FRK: variants seen among roughly 807,000 people sequenced by gnomAD.
The protein encoded by FRK is fyn related Src family tyrosine kinase, also known as tyrosine-protein kinase FRK.
In FRK, 51 loss-of-function variants were observed where a neutral mutation model predicts 56.4. The ratio of observed to expected loss-of-function variants is 0.90; its 90% confidence interval spans 0.72 to 1.14. The LOEUF is 1.14. FRK is among the 50% of genes most tolerant of loss of function. The pLI is 0.00. For synonymous variants in FRK, 245 were observed against 217.9 expected, an observed-to-expected ratio of 1.12 and a Z score of -1.10; for missense variants, 570 against 601.4, an observed-to-expected ratio of 0.95 and a Z score of 0.55.
the FRK span, among the ~76,000 whole-genome samples, chr6:116,082,164 A>C: frequency 2.6e-5 from 4 of 152,200 alleles, no homozygotes; most frequent in South Asian, 8.3e-4. Flanking sequence ...ATATTTGAGG[A>C]ATAGAAAGAA....
At chr6:115,971,467 C>T (rs866371553) in intron 2 of FRK, among the ~76,000 whole-genome samples, 1 of 152,110 alleles carries the variant, frequency 6.6e-6, no homozygotes, top group Non-Finnish European at 1.5e-5. Flanking sequence ...TGAAGGTAAC[C>T]TTTCTAACAC....
chr6:116,047,044 T>C (rs1231860918), intron 1 of FRK, among the ~76,000 whole-genome samples: 1 of 150,612 alleles, frequency 6.6e-6, no homozygotes, highest in Non-Finnish European at 1.5e-5. Context: ...TGTATGTATA[T>C]ATATTTATAT....
At chr6:116,075,397 C>G in the FRK span, among the ~76,000 whole-genome samples, 5 of 150,826 alleles carry the variant, frequency 3.3e-5, no homozygotes, top group Non-Finnish European at 7.4e-5. Context: ...ACAAAGTAAG[C>G]CCCCAAAAAA....
chr6:115,968,302 C>T lies in FRK; in HGVS notation c.630+274G>A, dbSNP rs115408209. The stretch of plus-strand genomic sequence containing the variant: ...ACTCATATTCTAGTTTACCACCTGC[C>T]CTATGGTCTCCGTTGCACCTTCTAA... On this transcript the variant is annotated intron_variant, in intron 3 of 7. Coordinates refer to ENST00000606080, the MANE Select transcript of FRK (RefSeq NM_002031.3). 5.0e-3 allele frequency among the ~76,000 whole-genome samples: 763 copies of T among 152,144 alleles called. 2 individuals carry two copies. Among genetic ancestry groups the T allele is most frequent in the African/African-American group, 0.017 (718 of 41,504 alleles).
At chr6:116,044,394 T>A (rs990946428) in intron 1 of FRK, among the ~76,000 whole-genome samples, 1 of 152,208 alleles carries the variant, frequency 6.6e-6, no homozygotes, top group South Asian at 2.1e-4. Flanking sequence ...CATAATCAAG[T>A]CGGTTTCATC....
At chr6:116,035,267 C>A (rs1013544464) in intron 1 of FRK, among the ~76,000 whole-genome samples, 3 of 151,916 alleles carry the variant, frequency 2.0e-5, no homozygotes, top group Non-Finnish European at 4.4e-5. Flanking sequence ...GAACTTAGTC[C>A]TGACAAATGA....
intron 2 of FRK, among the ~76,000 whole-genome samples, chr6:115,989,613 G>A (rs1233064583): frequency 6.6e-6 from 1 of 151,860 alleles, no homozygotes; most frequent in Non-Finnish European, 1.5e-5. Flanking sequence ...TTGCTGCAGA[G>A]AACATGATTT....
At position 115,941,137 on chromosome 6, in the gene FRK, TA is replaced by T. The variant is rs1772157665; in HGVS notation, c.*1276del. 1 of 152,140 alleles carries T rather than the reference TA, an allele frequency of 6.6e-6. No homozygotes were observed. The highest frequency in any genetic ancestry group is 1.5e-5 in the Non-Finnish European group (1 of 68,018). 9.4% of individuals were successfully genotyped at this position (152,140 alleles called of 1,614,324 possible). A position where few individuals can be genotyped will look rare whatever the true frequency, so the allele number is the denominator to read the frequency against. Reference sequence around the variant, plus strand: ...GACTGGATAAAGAAAATGTGGCACATAGACACTATGGAATACTATGCAGCCA... The same window carrying T: ...GACTGGATAAAGAAAATGTGGCACATGACACTATGGAATACTATGCAGCCA... On this transcript the variant is annotated 3_prime_UTR_variant, in exon 8 of 8. Coordinates refer to ENST00000606080, the MANE Select transcript of FRK (RefSeq NM_002031.3).
intron 1 of FRK, among the ~76,000 whole-genome samples, chr6:116,014,219 C>A (rs1266823825): frequency 6.6e-6 from 1 of 151,990 alleles, no homozygotes; most frequent in Admixed American, 6.6e-5. Flanking sequence ...TTTATACTAA[C>A]AATATGGAGA....
chr6:116,002,661 C>T (rs1257322203), intron 2 of FRK: 1 of 453,776 alleles, frequency 2.2e-6, no homozygotes, highest in Non-Finnish European at 4.4e-6. Flanking sequence ...TCAAGAGTAA[C>T]TGTCAGAACT....
intron 4 of FRK, among the ~76,000 whole-genome samples, chr6:115,966,493 G>A (rs1250907841): frequency 6.6e-6 from 1 of 152,184 alleles, no homozygotes; most frequent in Non-Finnish European, 1.5e-5. Flanking sequence ...GTGCCCCCAT[G>A]AGCCTTGGCA....
rs1459354961 is a variant in FRK, at chr6:115,968,556, C to A, written c.630+20G>T. The A allele has an allele frequency of 2.5e-6, 4 of 1,591,422 alleles. No individual in the cohort carries two copies. The highest frequency in any genetic ancestry group is 3.4e-6 in the Non-Finnish European group (4 of 1,170,194). On this transcript the variant is annotated intron_variant, in intron 3 of 7. Transcript: ENST00000606080. ...AAAAGTTAACTTCAATAAAAAAACA[C>A]AGCTTGAAAGCATTTTCACCTTTAA...
At chr6:116,036,005 A>G (rs1490911750) in intron 1 of FRK, among the ~76,000 whole-genome samples, 1 of 151,944 alleles carries the variant, frequency 6.6e-6, no homozygotes, top group Non-Finnish European at 1.5e-5. Context: ...CTCAATCACC[A>G]TTACCTCTAA....
At chr6:115,995,896 T>C (rs1193669460) in intron 2 of FRK, among the ~76,000 whole-genome samples, 1 of 152,146 alleles carries the variant, frequency 6.6e-6, no homozygotes, top group Non-Finnish European at 1.5e-5. Context: ...CACTTGCAAT[T>C]ATAGGCAATG....
intron 1 of FRK, among the ~76,000 whole-genome samples, chr6:116,004,326 C>G (rs1471457762): frequency 6.6e-6 from 1 of 152,070 alleles, no homozygotes; most frequent in African/African-American, 2.4e-5. Flanking sequence ...CCATGTATGT[C>G]TGCCATGTCC....
chr6:115,967,514 A>G (rs762818407), intron 4 of FRK, 37 bp downstream of exon 4: 8 of 1,595,310 alleles, frequency 5.0e-6, no homozygotes, highest in Non-Finnish European at 6.0e-6. Flanking sequence ...GCTCATAAAA[A>G]TCAACATATG....
At position 115,942,169 on chromosome 6, in the gene FRK, CTT is replaced by C; in HGVS notation, c.*243_*244del. The C allele has an allele frequency of 2.8e-6, 1 of 356,864 alleles. No individual in the cohort carries two copies. The highest frequency in any genetic ancestry group is 5.2e-6 in the Non-Finnish European group (1 of 193,398). 22.1% of individuals were successfully genotyped at this position (356,864 alleles called of 1,614,324 possible). On this transcript the variant is annotated 3_prime_UTR_variant, in exon 8 of 8. Transcript: ENST00000606080. ...AAGTATCTCTTAAAAAGAAAAATAACTTGGTTTAGTGTGCTTAATTTTACCAG... is the reference window on the plus strand; with the variant it reads ...AAGTATCTCTTAAAAAGAAAAATAACGGTTTAGTGTGCTTAATTTTACCAG...
At chr6:115,985,936 A>T (rs1774373614) in intron 2 of FRK, among the ~76,000 whole-genome samples, 1 of 150,856 alleles carries the variant, frequency 6.6e-6, no homozygotes, top group Non-Finnish European at 1.5e-5. Context: ...GAGTGCTTAT[A>T]TTATACATAT....
At chr6:116,062,662 G>A (rs1472727936), upstream of FRK, among the ~76,000 whole-genome samples, 1 of 152,188 alleles carries the variant, frequency 6.6e-6, no homozygotes, top group African/African-American at 2.4e-5. Context: ...TTGAGCAAGT[G>A]AGTGAAATTC....
Sources: gnomAD v4.1 joint callset for allele counts (sites outside exome capture counted in the v4.1 genomes callset) on GRCh38, gnomAD v4.1.1 for gene constraint, MANE v1.5 for transcripts, NCBI Gene and HGNC (gene_info 2026-07-23, HGNC 2026-07-21) for gene names.